CENPP: variants seen among roughly 807,000 people sequenced by gnomAD.
CENPP encodes the protein centromere protein P.
In CENPP, 24 loss-of-function variants were observed where a neutral mutation model predicts 35.6. The ratio of observed to expected loss-of-function variants is 0.67; its 90% CI spans 0.49 to 0.95. The LOEUF is 0.95. Ranked by LOEUF, CENPP falls within the 40% of genes least tolerant of loss-of-function variation. CENPP has a pLI of 0.00. For synonymous variants in CENPP, 120 were observed against 125.5 expected, an observed-to-expected ratio of 0.96 and a Z score of 0.29; for missense variants, 332 against 345.3, an observed-to-expected ratio of 0.96 and a Z score of 0.31.
At chr9:92,452,568 G>A (rs1451832891) in intron 5 of CENPP, among the ~76,000 whole-genome samples, 1 of 151,978 alleles carries the variant, frequency 6.6e-6, no homozygotes, top group East Asian at 1.9e-4. Flanking sequence ...CTCCTTTTTT[G>A]TGGTGTCTCT....
chr9:92,525,913 AAAG>A (rs1188241344), intron 5 of CENPP, among the ~76,000 whole-genome samples: 6 of 151,266 alleles, frequency 4.0e-5, no homozygotes, highest in South Asian at 2.1e-4. Context: ...AAAAAAAAAA[AAAG>A]CACATACAAT....
chr9:92,433,465 C>G (rs150400853), intron 5 of CENPP, among the ~76,000 whole-genome samples: 1 of 152,126 alleles, frequency 6.6e-6, no homozygotes, highest in African/African-American at 2.4e-5. Context: ...AGCCTGATAC[C>G]TTTTTTTCTT....
chr9:92,473,381 A>G lies in CENPP; in HGVS notation c.564+93522A>G, dbSNP rs1474482887. Among the ~76,000 whole-genome samples, 3 of 152,210 alleles carry G rather than the reference A, an allele frequency of 2.0e-5. 1 individual carries two copies. Among genetic ancestry groups the G allele is most frequent in the Non-Finnish European group, 4.4e-5 (3 of 68,040 alleles). ...TCTGGTGGAGTCATAGCAGATACACATATTTTTATCTGGAATTTTGACTTA... is the reference window on the plus strand; with the variant it reads ...TCTGGTGGAGTCATAGCAGATACACGTATTTTTATCTGGAATTTTGACTTA... On this transcript the variant is annotated intron_variant, in intron 5 of 7. Coordinates refer to ENST00000375587, the MANE Select transcript of CENPP (RefSeq NM_001012267.3).
chr9:92,616,188 A>G lies in CENPP; in HGVS notation c.*3039A>G. ...TTCTTTGACTTCTGCAAAGTTAGAT[A>G]AATCAATCTCTTTTAAAAGAGAAGT... On this transcript the variant is annotated 3_prime_UTR_variant, in exon 8 of 8. Transcript: ENST00000375587. 1.5e-6 allele frequency: 1 copy of G among 652,924 alleles called. No individual in the cohort carries two copies. Among genetic ancestry groups the G allele is most frequent in the Non-Finnish European group, 2.6e-6 (1 of 378,592 alleles). 40.4% of individuals were successfully genotyped at this position (652,924 alleles called of 1,614,324 possible). A position where few individuals can be genotyped will look rare whatever the true frequency, so the allele number is the denominator to read the frequency against.
At chr9:92,329,739 G>A (rs979913903) in intron 1 of CENPP, among the ~76,000 whole-genome samples, 13 of 152,086 alleles carry the variant, frequency 8.5e-5, no homozygotes, top group African/African-American at 3.1e-4. Flanking sequence ...GTGTGTGTGT[G>A]TGTGTATTTT....
chr9:92,560,782 CT>C (rs2131341376), intron 5 of CENPP, among the ~76,000 whole-genome samples: 1 of 152,194 alleles, frequency 6.6e-6, no homozygotes, highest in South Asian at 2.1e-4. Context: ...CACCGTTCTG[CT>C]TCCGCATTTA....
chr9:92,600,323 GT>G (rs1271238104), intron 5 of CENPP: 4 of 1,504,760 alleles, frequency 2.7e-6, no homozygotes, highest in Non-Finnish European at 3.6e-6. Context: ...TGCATTTGCT[GT>G]TTGTTTATTA....
intron 5 of CENPP, chr9:92,393,338 T>C: frequency 1.1e-6 from 1 of 930,932 alleles, no homozygotes; most frequent in Non-Finnish European, 1.6e-6. Flanking sequence ...ATGCTATTAC[T>C]AATTTGAAGA....
chr9:92,431,286 G>C (rs573546426), intron 5 of CENPP, among the ~76,000 whole-genome samples: 1 of 152,166 alleles, frequency 6.6e-6, no homozygotes, highest in Non-Finnish European at 1.5e-5. Context: ...ACTATTGAAG[G>C]CATTTCTCAA....
At chr9:92,402,488 T>G (rs1843156847) in intron 5 of CENPP, among the ~76,000 whole-genome samples, 1 of 152,324 alleles carries the variant, frequency 6.6e-6, no homozygotes, top group South Asian at 2.1e-4. Context: ...TCATACATAG[T>G]GGGCAACAGA....
intron 5 of CENPP, among the ~76,000 whole-genome samples, chr9:92,592,173 A>T (rs1245631511): frequency 1.3e-5 from 2 of 152,000 alleles, no homozygotes; most frequent in Non-Finnish European, 2.9e-5. Context: ...TTTATCATGG[A>T]TATATTTATA....
At chr9:92,529,459 T>A (rs1342515256) in intron 5 of CENPP, among the ~76,000 whole-genome samples, 1 of 152,148 alleles carries the variant, frequency 6.6e-6, no homozygotes, top group African/African-American at 2.4e-5. Flanking sequence ...CCCTTGGTAT[T>A]TACCCAAATA....
At chr9:92,603,955 G>C (rs1356117197) in intron 5 of CENPP, among the ~76,000 whole-genome samples, 1 of 152,222 alleles carries the variant, frequency 6.6e-6, no homozygotes, top group Non-Finnish European at 1.5e-5. Context: ...CCAGCAGGTG[G>C]TAATGGGGCT....
intron 5 of CENPP, chr9:92,401,097 T>G: frequency 1.4e-6 from 2 of 1,415,072 alleles, no homozygotes; most frequent in African/African-American, 1.4e-5. Flanking sequence ...CTTACCATCA[T>G]TTTCTTTCTT....
At chr9:92,478,537 T>C (rs1381205240) in intron 5 of CENPP, among the ~76,000 whole-genome samples, 1 of 152,176 alleles carries the variant, frequency 6.6e-6, no homozygotes, top group Non-Finnish European at 1.5e-5. Flanking sequence ...CACTGCAACC[T>C]CCACGTCCCA....
At chr9:92,552,428 C>T (rs2131329934) in intron 5 of CENPP, among the ~76,000 whole-genome samples, 1 of 152,258 alleles carries the variant, frequency 6.6e-6, no homozygotes, top group East Asian at 1.9e-4. Flanking sequence ...ACACTGTTTC[C>T]CATAGTGGCT....
chr9:92,572,449 G>A (rs1045669578), intron 5 of CENPP, among the ~76,000 whole-genome samples: 30 of 152,154 alleles, frequency 2.0e-4, no homozygotes, highest in South Asian at 4.1e-4. Context: ...AGTTTCTGCC[G>A]AGAGATCCGC....
chr9:92,526,004 T>C (rs1486223146), intron 5 of CENPP, among the ~76,000 whole-genome samples: 3 of 152,116 alleles, frequency 2.0e-5, no homozygotes, highest in Non-Finnish European at 4.4e-5. Context: ...ATACTTTTTA[T>C]CATTGTTTTA....
Position 92,438,751 on chromosome 9 carries a change from G to A in CENPP, c.564+58892G>A, listed in dbSNP as rs551088934. ...GTGGATCACTTGAGGTCAGGAGTTCGAGGCCAGCCTGGCCAACATGGTGAA... is the reference window on the plus strand; with the variant it reads ...GTGGATCACTTGAGGTCAGGAGTTCAAGGCCAGCCTGGCCAACATGGTGAA... On this transcript the variant is annotated intron_variant, in intron 5 of 7. Coordinates refer to ENST00000375587, the MANE Select transcript of CENPP (RefSeq NM_001012267.3). Among the ~76,000 whole-genome samples the A allele has an allele frequency of 6.6e-5, 10 of 152,316 alleles. No homozygotes were observed. The South Asian group carries it at 1.7e-3, about 25-fold the overall frequency.
Sources: allele counts gnomAD v4.1 joint callset (sites outside exome capture counted in the v4.1 genomes callset), GRCh38; gene constraint gnomAD v4.1.1; transcripts MANE v1.5; gene names NCBI Gene and HGNC (gene_info 2026-07-23, HGNC 2026-07-21).